JAGN1: variants seen among roughly 807,000 people sequenced by gnomAD.
JAGN1 encodes the protein jagunal vesicle mediated transporter 1, also known as protein jagunal homolog 1.
Under a neutral mutation model 17.1 loss-of-function variants are expected in JAGN1, and 13 were observed. The observed-to-expected ratio is 0.76, with a 90% CI of 0.49 to 1.21. JAGN1 has a LOEUF of 1.21. Among genes scored for constraint, JAGN1 ranks in the 50% most tolerant of loss-of-function variants. The pLI is 0.00. For missense variants in JAGN1, 256 were observed against 234.2 expected (o/e 1.09, Z -0.61); for synonymous variants, 111 against 91.0 (o/e 1.22, Z -1.25).
rs757768981 is a variant in JAGN1, at chr3:9,893,302, T to C, written c.477T>C (p.His159=). 2 of 1,614,216 alleles carry C rather than the reference T, an allele frequency of 1.2e-6. No individual in the cohort carries two copies. Among genetic ancestry groups the C allele is most frequent in the South Asian group, 2.2e-5 (2 of 91,086 alleles). ...YLVLVLAVQV[H]AWQLYYSKKL... ...TGTTGGTGTTGGCAGTGCAAGTGCATGCCTGGCAGTTGTACTACAGCAAGA... is the reference window on the plus strand; with the variant it reads ...TGTTGGTGTTGGCAGTGCAAGTGCACGCCTGGCAGTTGTACTACAGCAAGA... Residue 159 remains histidine (H), a synonymous_variant, in exon 2 of 2, where the codon CAT becomes CAC. Transcript: ENST00000647897.
At position 9,893,390 on chromosome 3, in the gene JAGN1, G is replaced by T; in HGVS notation, c.*13G>T. ...GAAGCATAAATGAAGCCTCTTTGGG[G>T]TGAAGCCTGGACATCCCATCGAATG... On this transcript the variant is annotated 3_prime_UTR_variant, in exon 2 of 2. Transcript: ENST00000647897. 2 of 1,584,390 alleles carry T rather than the reference G, an allele frequency of 1.3e-6. No individual in the cohort carries two copies. The highest frequency in any genetic ancestry group is 2.3e-5 in the South Asian group (2 of 87,968).
At chr3:9,891,543 CTGTT>C (rs2082563021) in intron 1 of JAGN1, among the ~76,000 whole-genome samples, 1 of 150,674 alleles carries the variant, frequency 6.6e-6, no homozygotes, top group African/African-American at 2.4e-5. Context: ...CTAGAGATGA[CTGTT>C]TTTTTTTTCC....
chr3:9,891,356 T>C (rs2082561539), intron 1 of JAGN1, among the ~76,000 whole-genome samples: 1 of 152,200 alleles, frequency 6.6e-6, no homozygotes, highest in Non-Finnish European at 1.5e-5. Context: ...AAGGGGTATT[T>C]CTACATTCAA....
Position 9,893,821 on chromosome 3 carries a change from A to G in JAGN1, c.*444A>G. 5.8e-6 allele frequency: 1 copy of G among 172,064 alleles called. No homozygotes were observed. Among genetic ancestry groups the G allele is most frequent in the South Asian group, 1.3e-4 (1 of 7,638 alleles). 10.7% of individuals were successfully genotyped at this position (172,064 alleles called of 1,614,324 possible). A position where few individuals can be genotyped will look rare whatever the true frequency, so the allele number is the denominator to read the frequency against. On this transcript the variant is annotated 3_prime_UTR_variant, in exon 2 of 2. Transcript: ENST00000647897. ...GTCTCCTCTGCAAAGCATTTTAATT[A>G]AAAACCTCAATAAAGATGGCCCTGC...
In JAGN1 at chr3:9,893,001, A is replaced by T. The variant is rs781208253; in HGVS notation, c.176A>T (p.His59Leu). ...CTGGTTGCTAAGATGAGCGTGGGAC[A>T]CCTGAGGCTCTTGTCACATGATCAG... ...LLLVAKMSVG[H>L]LRLLSHDQVA... Residue 59 changes from histidine to leucine, a missense_variant, in exon 2 of 2, where the codon CAC (histidine) becomes CTC (leucine). His to Leu is a moderately conservative substitution (Grantham distance 99). Transcript: ENST00000647897. 6 of 1,614,148 alleles carry T rather than the reference A, an allele frequency of 3.7e-6. No individual in the cohort carries two copies. The highest frequency in any genetic ancestry group is 4.2e-6 in the Non-Finnish European group (5 of 1,180,002).
intron 1 of JAGN1, 142 bp from the exon 2 acceptor site, chr3:9,892,773 C>G (rs1333816047): frequency 3.3e-6 from 2 of 608,932 alleles, no homozygotes; most frequent in Non-Finnish European, 5.8e-6. Flanking sequence ...TTTCTAATTA[C>G]TTTTTCCTCC....
intron 1 of JAGN1, among the ~76,000 whole-genome samples, 177 bp downstream of exon 1, chr3:9,890,988 G>T (rs945339917): frequency 2.0e-5 from 3 of 152,122 alleles, no homozygotes; most frequent in Non-Finnish European, 4.4e-5. Context: ...AAGCCCCGTG[G>T]CCCCCGCGAG....
chr3:9,893,085 T>C lies in JAGN1; in HGVS notation c.260T>C (p.Leu87Ser), dbSNP rs1433604133. Reference protein sequence around the residue: ...PYLLSILPSLLGLLSFPRNNI... With the variant: ...PYLLSILPSLSGLLSFPRNNI... ...TTGCTGAGCATTTTGCCCTCTCTCT[T>C]GGGCCTTCTCTCCTTTCCCCGCAAC... Residue 87 changes from leucine to serine, a missense_variant, in exon 2 of 2, where the codon TTG (leucine) becomes TCG (serine). Leu to Ser is a moderately radical substitution (Grantham distance 145). Coordinates refer to ENST00000647897, the MANE Select transcript of JAGN1 (RefSeq NM_032492.4). 3 of 1,614,200 alleles carry C rather than the reference T, an allele frequency of 1.9e-6. No homozygotes were observed. The highest frequency in any genetic ancestry group is 2.5e-6 in the Non-Finnish European group (3 of 1,180,014).
rs998595515 is a variant in JAGN1 at position 9,893,114 on chromosome 3, A to G, written c.289A>G (p.Ile97Val). Residue 97 changes from isoleucine (I) to valine (V), a missense_variant, in exon 2 of 2, where the codon ATT becomes GTT. By Grantham distance (29) the Ile-to-Val change is conservative (BLOSUM62 3). Coordinates refer to ENST00000647897, the MANE Select transcript of JAGN1 (RefSeq NM_032492.4). Reference protein sequence around the residue: ...LGLLSFPRNNISYLVLSMISM... With the variant: ...LGLLSFPRNNVSYLVLSMISM... ...CCTTCTCTCCTTTCCCCGCAACAAC[A>G]TTAGCTACCTGGTGCTCTCCATGAT... The G allele has an allele frequency of 6.2e-7, 1 of 1,614,176 alleles. No individual in the cohort carries two copies. The highest frequency in any genetic ancestry group is 8.5e-7 in the Non-Finnish European group (1 of 1,180,022).
chr3:9,891,475 A>G (rs1308462448), intron 1 of JAGN1, among the ~76,000 whole-genome samples: 1 of 151,992 alleles, frequency 6.6e-6, no homozygotes, highest in Non-Finnish European at 1.5e-5. Flanking sequence ...TATACCTTCA[A>G]TAAACAATTT....
intron 1 of JAGN1, 63 bp from the exon 2 acceptor site, chr3:9,892,852 C>G (rs1432092196): frequency 1.9e-6 from 2 of 1,072,986 alleles, no homozygotes; most frequent in African/African-American, 3.1e-5. Context: ...GTACAGTTGT[C>G]TGGCATATAG....
chr3:9,891,617 C>G (rs983269898), intron 1 of JAGN1, among the ~76,000 whole-genome samples: 7 of 151,672 alleles, frequency 4.6e-5, no homozygotes, highest in Non-Finnish European at 8.8e-5. Flanking sequence ...ATTTTTACTT[C>G]CTTAAATCCA....
chr3:9,893,220 A>G lies in JAGN1; in HGVS notation c.395A>G (p.His132Arg), dbSNP rs776106359. Residue 132 changes from histidine (H) to arginine (R), a missense_variant, in exon 2 of 2, where the codon CAT becomes CGT. His to Arg is a conservative substitution (Grantham distance 29). Coordinates refer to ENST00000647897, the MANE Select transcript of JAGN1 (RefSeq NM_032492.4). ...CCTGCTGCACAGCAGCTCTACCGCC[A>G]TGGCAAGGCCTACCGTTTCCTCTTT... is the stretch of plus-strand genomic sequence containing the variant. ...MFPAAQQLYR[H>R]GKAYRFLFGF... The G allele has an allele frequency of 1.2e-5, 19 of 1,614,186 alleles. No individual in the cohort carries two copies. The highest frequency in any genetic ancestry group is 2.2e-5 in the East Asian group (1 of 44,884).
In JAGN1 at chr3:9,890,826, G is replaced by A. The variant is rs1165507991; in HGVS notation, c.89+15G>A. The stretch of plus-strand genomic sequence containing the variant: ...TACCAGATGAGGTATGAAGTGAGGC[G>A]AGGAGCACGGAGGCTTTCTCCCCCG... On this transcript the variant is annotated intron_variant, in intron 1 of 1. Transcript: ENST00000647897. 6.4e-7 allele frequency: 1 copy of A among 1,573,870 alleles called. No individual in the cohort carries two copies. Among genetic ancestry groups the A allele is most frequent in the African/African-American group, 1.3e-5 (1 of 74,298 alleles).
Position 9,893,647 on chromosome 3 carries a change from G to C in JAGN1, c.*270G>C, listed in dbSNP as rs1363257708. 1.4e-5 allele frequency: 6 copies of C among 435,416 alleles called. No individual in the cohort carries two copies. The highest frequency in any genetic ancestry group is 9.9e-5 in the African/African-American group (5 of 50,488). The allele number at this position is 435,416 out of a possible 1,614,324, so 27.0% of individuals were successfully genotyped here. Reference sequence around the variant, plus strand: ...AGGTTTTTCTTTAAGAATGAGCTTCGTCCTTGCCTCTACTCGGTCATTCTC... The same window carrying C: ...AGGTTTTTCTTTAAGAATGAGCTTCCTCCTTGCCTCTACTCGGTCATTCTC... On this transcript the variant is annotated 3_prime_UTR_variant, in exon 2 of 2. Transcript: ENST00000647897.
At chr3:9,891,908 C>T (rs1035144167) in intron 1 of JAGN1, among the ~76,000 whole-genome samples, 2 of 152,188 alleles carry the variant, frequency 1.3e-5, no homozygotes, top group Admixed American at 6.6e-5. Flanking sequence ...GAGTACGTTT[C>T]CTCTCTGCCA....
intron 1 of JAGN1, 66 bp downstream of exon 1, chr3:9,890,877 G>T: frequency 7.3e-7 from 1 of 1,372,862 alleles, no homozygotes; most frequent in South Asian, 1.3e-5. Flanking sequence ...CTTGGGGAGC[G>T]ACGCCGGCCC....
Position 9,890,683 on chromosome 3 carries a change from C to G in JAGN1, c.-40C>G, listed in dbSNP as rs778233910. 1.9e-6 allele frequency: 3 copies of G among 1,570,060 alleles called. No individual in the cohort carries two copies. The highest frequency in any genetic ancestry group is 3.7e-5 in the Admixed American group (2 of 53,874). ...CCGCTTGGCGGTGTCGTTGCGGTAC[C>G]AGGTCCGCGTGAGGGGTTCGGGGGT... is the stretch of plus-strand genomic sequence containing the variant. On this transcript the variant is annotated 5_prime_UTR_variant, in exon 1 of 2. Transcript: ENST00000647897.
intron 1 of JAGN1, among the ~76,000 whole-genome samples, chr3:9,891,372 A>C (rs1371438747): frequency 1.3e-5 from 2 of 152,212 alleles, no homozygotes; most frequent in African/African-American, 4.8e-5. Flanking sequence ...TTCAATTACT[A>C]GTTCGACAAA....
Sources: allele counts gnomAD v4.1 joint callset (sites outside exome capture counted in the v4.1 genomes callset), GRCh38; gene constraint gnomAD v4.1.1; transcripts MANE v1.5; gene names NCBI Gene and HGNC (gene_info 2026-07-23, HGNC 2026-07-21).